Variants in ITPKA observed in about 807,000 individuals in gnomAD.
The protein encoded by ITPKA is IP3 3-kinase A.
ITPKA carries 16 observed loss-of-function variants against 40.7 expected under a neutral mutation model. The observed-to-expected ratio is 0.39, with a 90% confidence interval of 0.27 to 0.60. ITPKA has a LOEUF of 0.60. Among genes scored for constraint, ITPKA ranks in the 20% least tolerant of loss-of-function variants. The probability of loss-of-function intolerance (pLI) is 0.50; values close to 1 mark genes in which losing one functional copy is unlikely to be tolerated. For missense variants in ITPKA, 540 were observed against 649.3 expected (o/e 0.83, Z 1.83); for synonymous variants, 313 against 289.9 (o/e 1.08, Z -0.81).
Position 41,503,187 on chromosome 15 carries a change from G to A in ITPKA, c.*21G>A, listed in dbSNP as rs753706597. 21 of 1,537,572 alleles carry A rather than the reference G, an allele frequency of 1.4e-5. No individual in the cohort carries two copies. Among genetic ancestry groups the A allele is most frequent in the Admixed American group, 1.8e-5 (1 of 54,962 alleles). ...GATGAGGCTGGACTCCTGTCCCCGC[G>A]GGCCGCTCACCTGACATGTGGACCT... is the stretch of plus-strand genomic sequence containing the variant. On this transcript the variant is annotated 3_prime_UTR_variant, in exon 7 of 7. Coordinates refer to ENST00000260386, the MANE Select transcript of ITPKA (RefSeq NM_002220.3).
In ITPKA at chr15:41,494,177, G is replaced by A. The variant is rs1313661702; in HGVS notation, c.250G>A (p.Val84Met). The A allele has an allele frequency of 4.0e-6, 6 of 1,515,486 alleles. No individual in the cohort carries two copies. The highest frequency in any genetic ancestry group is 2.0e-5 in the Admixed American group (1 of 48,996). 93.9% of individuals were successfully genotyped at this position (1,515,486 alleles called of 1,614,324 possible). Reference sequence around the variant, plus strand: ...GGCCCCGGTGATCCCTCAGCTGACCGTGACAGCCGAGGAGCCCGACGTGCC... The same window carrying A: ...GGCCCCGGTGATCCCTCAGCTGACCATGACAGCCGAGGAGCCCGACGTGCC... ...PPAPVIPQLTVTAEEPDVPPT... is the reference protein window; with the variant it reads ...PPAPVIPQLTMTAEEPDVPPT... The change falls in exon 1 of 7, where the codon GTG becomes ATG. Residue 84 changes from valine (V) to methionine (M), a missense_variant. By Grantham distance (21) the Val-to-Met change is conservative (BLOSUM62 1). Coordinates refer to ENST00000260386, the MANE Select transcript of ITPKA (RefSeq NM_002220.3). The surrounding 1 kb of genome is among the most constrained non-coding windows in gnomAD (Gnocchi z 7.8).
chr15:41,499,613 C>G (rs932501126), intron 1 of ITPKA, among the ~76,000 whole-genome samples: 2 of 152,224 alleles, frequency 1.3e-5, no homozygotes, highest in African/African-American at 4.8e-5. Context: ...TAGGCCACCT[C>G]CTCAGTTCTC....
rs573624075 is a variant in ITPKA, at chr15:41,503,464, G to T, written c.*298G>T. 402 of 627,328 alleles carry T rather than the reference G, an allele frequency of 6.4e-4. 1 individual carries two copies. Among genetic ancestry groups the T allele is most frequent in the Non-Finnish European group, 1.1e-3 (359 of 334,530 alleles). The allele number at this position is 627,328 out of a possible 1,614,324, so 38.9% of individuals were successfully genotyped here. ...CTGCCCTCTCCAGAGGTGCCAGACC[G>T]CGGATTTTATTTAGCAAGCCCAGAC... On this transcript the variant is annotated 3_prime_UTR_variant, in exon 7 of 7. Transcript: ENST00000260386.
At chr15:41,500,967 C>G (rs1036507355) in intron 1 of ITPKA, among the ~76,000 whole-genome samples, 5 of 144,830 alleles carry the variant, frequency 3.5e-5, no homozygotes, top group African/African-American at 1.0e-4. Flanking sequence ...CCAGATCGCG[C>G]CACTGCACTC....
chr15:41,501,426 GAC>G, intron 1 of ITPKA, 35 bp from the exon 2 acceptor site: 1 of 1,577,146 alleles, frequency 6.3e-7, no homozygotes, highest in Non-Finnish European at 8.6e-7. Flanking sequence ...GCATTGCCGA[GAC>G]GCCGATTATC....
chr15:41,502,425 C>G lies in ITPKA; in HGVS notation c.1032C>G (p.Thr344=), dbSNP rs2051122850. 2.5e-6 allele frequency: 4 copies of G among 1,603,614 alleles called. No homozygotes were observed. The highest frequency in any genetic ancestry group is 3.4e-6 in the Non-Finnish European group (4 of 1,171,524). ...AGAAAGCGGACGGCTCCTGCAGCAC[C>G]GACTTCAAGACTACGCGAAGCCGAG... ...GIKKADGSCS[T]DFKTTRSREQ... Residue 344 remains threonine, a synonymous_variant, in exon 5 of 7, where the codon ACC becomes ACG. Coordinates refer to ENST00000260386, the MANE Select transcript of ITPKA (RefSeq NM_002220.3).
rs2051141889 is a variant in ITPKA at position 41,503,503 on chromosome 15, G to C, written c.*337G>C. On this transcript the variant is annotated 3_prime_UTR_variant, in exon 7 of 7. Coordinates refer to ENST00000260386, the MANE Select transcript of ITPKA (RefSeq NM_002220.3). ...GCAAGCCCAGACCTTCCGGTCTAAC[G>C]TCTCACACCACGACGGACTCCCCTT... The C allele has an allele frequency of 1.6e-6, 1 of 608,184 alleles. No homozygotes were observed. The allele number at this position is 608,184 out of a possible 1,614,324, so 37.7% of individuals were successfully genotyped here.
Position 41,494,424 on chromosome 15 carries a change from CCGCGGGGGCGGGGCCAGCGCCGGG to C in ITPKA, c.489+18_489+41del, listed in dbSNP as rs1351847032. On this transcript the variant is annotated intron_variant, in intron 1 of 6. Coordinates refer to ENST00000260386, the MANE Select transcript of ITPKA (RefSeq NM_002220.3). The surrounding 1 kb of genome is among the most constrained non-coding windows in gnomAD (Gnocchi z 7.8). ...GGCGAGGACGTGGGTCAGGTACGGG[CCGCGGGGGCGGGGCCAGCGCCGGG>C]CGCGGGGGCTGCACGGGGGACCTGG... 2.1e-6 allele frequency: 3 copies of C among 1,417,356 alleles called. No homozygotes were observed. Among genetic ancestry groups the C allele is most frequent in the South Asian group, 2.9e-5 (2 of 68,034 alleles). The allele number at this position is 1,417,356 out of a possible 1,614,324, so 87.8% of individuals were successfully genotyped here.
chr15:41,502,263 C>G, intron 4 of ITPKA, 62 bp downstream of exon 4: 4 of 1,493,238 alleles, frequency 2.7e-6, no homozygotes, highest in Non-Finnish European at 3.6e-6. Flanking sequence ...TTTCCCGATC[C>G]CCCGCTCCCG....
intron 6 of ITPKA, 32 bp from the exon 7 acceptor site, chr15:41,502,931 A>G: frequency 6.3e-7 from 1 of 1,598,942 alleles, no homozygotes; most frequent in Non-Finnish European, 8.5e-7. Flanking sequence ...GTCTCTGGGC[A>G]GGGCCGCGGC....
intron 4 of ITPKA, 74 bp from the exon 5 acceptor site, chr15:41,502,328 G>C: frequency 7.2e-7 from 1 of 1,386,674 alleles, no homozygotes; most frequent in South Asian, 1.2e-5. Flanking sequence ...GCAACTGGGA[G>C]GTACCGCTGC....
chr15:41,501,964 C>G, intron 3 of ITPKA, 33 bp from the exon 4 acceptor site: 1 of 1,605,458 alleles, frequency 6.2e-7, no homozygotes, highest in Middle Eastern at 1.8e-4. Context: ...TGTGCGCCCC[C>G]TCATGCCCTG....
chr15:41,502,177 C>T lies in ITPKA; in HGVS notation c.984C>T (p.Leu328=), dbSNP rs376372153. 6 of 1,586,270 alleles carry T rather than the reference C, an allele frequency of 3.8e-6. No individual in the cohort carries two copies. Among genetic ancestry groups the T allele is most frequent in the Non-Finnish European group, 3.4e-6 (4 of 1,166,986 alleles). ...WREGISSSTT[L]GFRIEGIKKA... ...AAGGCATCAGCTCCAGCACCACCCT[C>T]GGCTTCCGCATCGAGGGCATCAAGG... Residue 328 remains leucine (L), a synonymous_variant, in exon 4 of 7, where the codon CTC becomes CTT. Coordinates refer to ENST00000260386, the MANE Select transcript of ITPKA (RefSeq NM_002220.3).
At chr15:41,500,732 G>T (rs1344142689) in intron 1 of ITPKA, among the ~76,000 whole-genome samples, 2 of 152,146 alleles carry the variant, frequency 1.3e-5, no homozygotes, top group East Asian at 1.9e-4. Flanking sequence ...GGGGGGCCGG[G>T]CCTGGTGGCT....
Position 41,502,059 on chromosome 15 carries a change from A to G in ITPKA, c.866A>G (p.Tyr289Cys). Residue 289 changes from tyrosine (Y) to cysteine (C), a missense_variant, in exon 4 of 7, where the codon TAC (tyrosine) becomes TGC (cysteine). Tyr to Cys is a radical substitution (Grantham distance 194, BLOSUM62 -2). Coordinates refer to ENST00000260386, the MANE Select transcript of ITPKA (RefSeq NM_002220.3). ...RERPKLRKDM[Y>C]KKMLAVDPEA... is the part of the protein sequence containing the mutation. The stretch of plus-strand genomic sequence containing the variant: ...CGGCCCAAGCTGCGGAAGGACATGT[A>G]CAAGAAAATGCTGGCGGTGGATCCT... 1 of 1,613,376 alleles carries G rather than the reference A, an allele frequency of 6.2e-7. No individual in the cohort carries two copies. Among genetic ancestry groups the G allele is most frequent in the Non-Finnish European group, 8.5e-7 (1 of 1,179,960 alleles).
At chr15:41,495,599 G>A (rs2051065173) in intron 1 of ITPKA, among the ~76,000 whole-genome samples, 1 of 152,194 alleles carries the variant, frequency 6.6e-6, no homozygotes. Context: ...TCGGTCACTA[G>A]CCTGCCGCTT....
At chr15:41,502,267 G>A in intron 4 of ITPKA, 66 bp downstream of exon 4, 1 of 1,497,970 alleles carries the variant, frequency 6.7e-7, no homozygotes, top group South Asian at 1.2e-5. Context: ...CCGATCCCCC[G>A]CTCCCGCCCC....
At position 41,494,483 on chromosome 15, in the gene ITPKA, C is replaced by G; in HGVS notation, c.489+67C>G. The G allele has an allele frequency of 9.3e-7, 1 of 1,070,028 alleles. No homozygotes were observed. The highest frequency in any genetic ancestry group is 1.7e-5 in the African/African-American group (1 of 59,646). 66.3% of individuals were successfully genotyped at this position (1,070,028 alleles called of 1,614,324 possible). On this transcript the variant is annotated intron_variant, in intron 1 of 6. Transcript: ENST00000260386. This position sits in a 1 kb window ranked among gnomAD's most constrained non-coding sequence, Gnocchi z 7.8. Reference sequence around the variant, plus strand: ...TGCACGGGGGACCTGGCTGGGTGCTCCCGGAGGACCCGCTCCTGTCCATGC... The same window carrying G: ...TGCACGGGGGACCTGGCTGGGTGCTGCCGGAGGACCCGCTCCTGTCCATGC...
chr15:41,498,784 C>T (rs2051090901), intron 1 of ITPKA, among the ~76,000 whole-genome samples: 1 of 152,260 alleles, frequency 6.6e-6, no homozygotes, highest in Non-Finnish European at 1.5e-5. Context: ...CACATCACTT[C>T]ACCACGCACA....
Sources: gnomAD v4.1 joint callset for allele counts (sites outside exome capture counted in the v4.1 genomes callset) on GRCh38, gnomAD v4.1.1 for gene constraint, Gnocchi (gnomAD v3.1) non-coding constraint, MANE v1.5 for transcripts, NCBI Gene and HGNC (gene_info 2026-07-23, HGNC 2026-07-21) for gene names.